The following RABGAP1L variants were observed in gnomAD, a reference collection of about 807,000 sequenced individuals.
The protein encoded by RABGAP1L is RAB GTPase activating protein 1 like, also known as rab GTPase-activating protein 1-like.
A neutral mutation model predicts 137.7 loss-of-function variants in RABGAP1L; 63 were observed. That is an observed-to-expected ratio of 0.46 (90% CI 0.37 to 0.56). The LOEUF is 0.56. Ranked by LOEUF, RABGAP1L falls within the 20% of genes least tolerant of loss-of-function variation. RABGAP1L has a pLI of 0.00. For missense variants in RABGAP1L, 1,095 were observed against 1,244.0 expected (o/e 0.88, Z 1.80); for synonymous variants, 431 against 433.7 (o/e 0.99, Z 0.08).
chr1:174,851,087 G>A (rs1648242043), intron 19 of RABGAP1L, among the ~76,000 whole-genome samples: 1 of 152,206 alleles, frequency 6.6e-6, no homozygotes. Flanking sequence ...CAGGCATCTT[G>A]ATTTCAGCTT....
At chr1:174,234,859 G>C (rs1671018567) in intron 4 of RABGAP1L, among the ~76,000 whole-genome samples, 2 of 145,032 alleles carry the variant, frequency 1.4e-5, no homozygotes, top group Admixed American at 6.9e-5. Flanking sequence ...ACCTTGGGCA[G>C]TATGGCCATT....
intron 14 of RABGAP1L, among the ~76,000 whole-genome samples, chr1:174,675,571 G>C (rs542702173): frequency 2.0e-5 from 3 of 151,940 alleles, no homozygotes; most frequent in African/African-American, 7.2e-5. Flanking sequence ...TGGCGATGCG[G>C]GCTCTTTTTT....
At chr1:174,745,947 G>C (rs1385263272) in intron 17 of RABGAP1L, among the ~76,000 whole-genome samples, 1 of 152,166 alleles carries the variant, frequency 6.6e-6, no homozygotes, top group Non-Finnish European at 1.5e-5. Flanking sequence ...CTTGTTGTTA[G>C]GATTTCCATT....
At chr1:174,937,696 GTTGT>G (rs1229043973) in intron 19 of RABGAP1L, among the ~76,000 whole-genome samples, 8 of 19,932 alleles carry the variant, frequency 4.0e-4, no homozygotes, top group African/African-American at 5.3e-4. Context: ...GTTTTGTTTT[GTTGT>G]TTGTTTGTTT....
chr1:174,194,761 C>G (rs1200242911), intron 1 of RABGAP1L, among the ~76,000 whole-genome samples: 2 of 152,138 alleles, frequency 1.3e-5, no homozygotes, highest in African/African-American at 4.8e-5. Context: ...AGACAGACAA[C>G]AGATAGGTGG....
At chr1:174,385,717 C>G (rs944653631) in intron 12 of RABGAP1L, among the ~76,000 whole-genome samples, 5 of 152,144 alleles carry the variant, frequency 3.3e-5, no homozygotes, top group Admixed American at 2.0e-4. Context: ...TAAACTAAGT[C>G]TATCAAGAAT....
intron 13 of RABGAP1L, among the ~76,000 whole-genome samples, chr1:174,597,554 T>A (rs745448626): frequency 6.6e-6 from 1 of 152,120 alleles, no homozygotes; most frequent in Non-Finnish European, 1.5e-5. Context: ...GAATCAGTTG[T>A]AATTTTTTTT....
chr1:174,716,778 A>G (rs1008990555), intron 17 of RABGAP1L, among the ~76,000 whole-genome samples: 6 of 152,198 alleles, frequency 3.9e-5, no homozygotes, highest in Non-Finnish European at 7.3e-5. Context: ...AAAATTTTTC[A>G]TAATTGAATA....
At chr1:174,662,104 T>TTTC (rs1553228893) in intron 14 of RABGAP1L, among the ~76,000 whole-genome samples, 4 of 108,014 alleles carry the variant, frequency 3.7e-5, no homozygotes, top group Non-Finnish European at 6.9e-5. Flanking sequence ...TTTCTTTTCT[T>TTTC]TTTTTTTTTT....
At chr1:174,747,823 G>A (rs1480140662) in intron 17 of RABGAP1L, among the ~76,000 whole-genome samples, 1 of 151,176 alleles carries the variant, frequency 6.6e-6, no homozygotes, top group Non-Finnish European at 1.5e-5. Context: ...ATTAACTATT[G>A]AAGATTATTG....
At chr1:174,293,079 GA>G (rs1676778643) in intron 10 of RABGAP1L, among the ~76,000 whole-genome samples, 1 of 151,666 alleles carries the variant, frequency 6.6e-6, no homozygotes, top group Non-Finnish European at 1.5e-5. Flanking sequence ...ATGGAAAGTG[GA>G]AAATTATGAT....
At chr1:174,413,525 T>C (rs899291803) in intron 13 of RABGAP1L, among the ~76,000 whole-genome samples, 1 of 152,170 alleles carries the variant, frequency 6.6e-6, no homozygotes, top group Non-Finnish European at 1.5e-5. Flanking sequence ...TTGAGATTTT[T>C]CATGGTGCCA....
At chr1:174,239,896 G>C (rs368830209) in intron 4 of RABGAP1L, among the ~76,000 whole-genome samples, 159 of 152,218 alleles carry the variant, frequency 1.0e-3, no homozygotes, top group African/African-American at 3.6e-3. Flanking sequence ...GAAAACTTTT[G>C]CTAAATTCCA....
chr1:174,755,053 T>C (rs1684626916), intron 18 of RABGAP1L, among the ~76,000 whole-genome samples: 1 of 152,318 alleles, frequency 6.6e-6, no homozygotes, highest in South Asian at 2.1e-4. Context: ...TAGTTGATAA[T>C]TGAGAGATCA....
intron 19 of RABGAP1L, among the ~76,000 whole-genome samples, chr1:174,859,591 C>A (rs1160152757): frequency 1.3e-5 from 2 of 152,072 alleles, no homozygotes; most frequent in Non-Finnish European, 2.9e-5. Flanking sequence ...AGGCCATTAT[C>A]CTTAACAAAC....
chr1:174,581,172 A>G (rs994889716), intron 13 of RABGAP1L, among the ~76,000 whole-genome samples: 4 of 152,232 alleles, frequency 2.6e-5, no homozygotes, highest in African/African-American at 9.6e-5. Flanking sequence ...ATTTATAGGT[A>G]AATAGCCAAG....
intron 13 of RABGAP1L, among the ~76,000 whole-genome samples, chr1:174,401,230 T>G (rs1293792641): frequency 6.6e-6 from 1 of 152,188 alleles, no homozygotes; most frequent in Non-Finnish European, 1.5e-5. Flanking sequence ...GACCCTGGGT[T>G]CGAATCTCAA....
intron 1 of RABGAP1L, among the ~76,000 whole-genome samples, chr1:174,162,795 TTTTTTTTTA>T (rs1171654066): frequency 2.8e-5 from 4 of 141,030 alleles, no homozygotes; most frequent in African/African-American, 1.1e-4. Context: ...TTTTTTTTTT[TTTTTTTTTA>T]ATTATACTTT....
intron 14 of RABGAP1L, among the ~76,000 whole-genome samples, chr1:174,638,852 CAGGA>C (rs1397650722): frequency 2.3e-4 from 32 of 138,018 alleles, no homozygotes; most frequent in Non-Finnish European, 3.0e-5. Context: ...CACATGGACA[CAGGA>C]AGGGGAATAT....
Sources: gnomAD v4.1 joint callset for allele counts (sites outside exome capture counted in the v4.1 genomes callset) on GRCh38, gnomAD v4.1.1 for gene constraint, MANE v1.5 for transcripts, NCBI Gene and HGNC (gene_info 2026-07-23, HGNC 2026-07-21) for gene names.